Variants in MAF observed in about 807,000 individuals in gnomAD.
MAF encodes the protein transcription factor Maf.
In MAF, 10 loss-of-function variants were observed where a neutral mutation model predicts 22.0. That is an observed-to-expected ratio of 0.45 (90% CI 0.28 to 0.77). MAF has a LOEUF of 0.77. Ranked by LOEUF, MAF falls within the 30% of genes least tolerant of loss-of-function variation. The probability of loss-of-function intolerance (pLI) is 0.12; values close to 1 mark genes in which losing one functional copy is unlikely to be tolerated. For synonymous variants in MAF, 337 were observed against 255.8 expected (o/e 1.32, Z -3.03); for missense variants, 544 against 548.4 (o/e 0.99, Z 0.08).
At chr16:79,471,791 T>C in the MAF span, among the ~76,000 whole-genome samples, 2 of 152,374 alleles carry the variant, frequency 1.3e-5, no homozygotes, top group African/African-American at 2.4e-5. Flanking sequence ...TGTCACTATA[T>C]AGGTAATCCA....
At chr16:79,563,764 A>C in the MAF span, among the ~76,000 whole-genome samples, 37 of 123,668 alleles carry the variant, frequency 3.0e-4, no homozygotes, top group African/African-American at 7.0e-4. Flanking sequence ...CACACACACA[A>C]ACACACACAC....
the MAF span, among the ~76,000 whole-genome samples, chr16:79,393,286 G>C: frequency 6.6e-6 from 1 of 152,210 alleles, no homozygotes; most frequent in Admixed American, 6.5e-5. Context: ...ATTTCTTTGG[G>C]GGTTGGCTAT....
At chr16:79,392,193 G>A in the MAF span, among the ~76,000 whole-genome samples, 1 of 148,074 alleles carries the variant, frequency 6.8e-6, no homozygotes, top group South Asian at 2.2e-4. Flanking sequence ...AGAAGAAGGA[G>A]AGACAAGAAG....
At chr16:79,342,628 C>G in the MAF span, among the ~76,000 whole-genome samples, 1 of 151,934 alleles carries the variant, frequency 6.6e-6, no homozygotes, top group Non-Finnish European at 1.5e-5. Flanking sequence ...CCATCACCAC[C>G]ACTGTCACCA....
the MAF span, among the ~76,000 whole-genome samples, chr16:79,274,237 G>C: frequency 6.9e-6 from 1 of 145,010 alleles, no homozygotes; most frequent in Non-Finnish European, 1.5e-5. Context: ...TTATAGGCAT[G>C]AGCCACTTTG....
chr16:79,575,019 G>A, the MAF span, among the ~76,000 whole-genome samples: 1 of 131,154 alleles, frequency 7.6e-6, no homozygotes, highest in Non-Finnish European at 1.7e-5. Context: ...AGAATCACTG[G>A]GAATTTTTTT....
the MAF span, among the ~76,000 whole-genome samples, chr16:79,380,443 A>G: frequency 6.6e-6 from 1 of 152,228 alleles, no homozygotes; most frequent in Admixed American, 6.5e-5. Flanking sequence ...AATTTTTCCA[A>G]TACAGTGTGA....
the MAF span, among the ~76,000 whole-genome samples, chr16:79,447,575 G>C: frequency 6.6e-6 from 1 of 152,070 alleles, no homozygotes; most frequent in Admixed American, 6.5e-5. Context: ...GGTGGATCTG[G>C]GCAAAGTAAA....
chr16:79,599,594 G>T lies in MAF; in HGVS notation c.309C>A (p.Pro103=). The T allele has an allele frequency of 6.2e-7, 1 of 1,608,466 alleles. No individual in the cohort carries two copies. The highest frequency in any genetic ancestry group is 1.1e-5 in the South Asian group (1 of 90,222). Residue 103 remains proline, a synonymous_variant, in exon 1 of 2, where the codon CCC becomes CCA. Transcript: ENST00000326043. ...CCTCGGGGCTGAAGCCCAGCGCCTC[G>T]GGGTTCAGCTGCTGCGGGTAGCCGG... ...WMTGYPQQLN[P]EALGFSPEDA...
the MAF span, among the ~76,000 whole-genome samples, chr16:79,276,259 T>C: frequency 6.6e-6 from 1 of 152,264 alleles, no homozygotes; most frequent in African/African-American, 2.4e-5. Flanking sequence ...TTTGAGGCTT[T>C]TTATGTAGCA....
At chr16:79,420,541 C>T in the MAF span, among the ~76,000 whole-genome samples, 598 of 152,146 alleles carry the variant, frequency 3.9e-3, 6 homozygotes, top group African/African-American at 0.014. Flanking sequence ...ACTGCTGCCC[C>T]CCTCCCCCTA....
At chr16:79,557,514 A>G in the MAF span, among the ~76,000 whole-genome samples, 50 of 152,202 alleles carry the variant, frequency 3.3e-4, no homozygotes, top group African/African-American at 1.2e-3. Flanking sequence ...GTTCTAGTCT[A>G]CAATTTGTAC....
chr16:79,318,600 C>T, the MAF span, among the ~76,000 whole-genome samples: 23 of 152,176 alleles, frequency 1.5e-4, no homozygotes, highest in Non-Finnish European at 3.2e-4. Context: ...CAGCCCTTGG[C>T]GCAACATCAC....
the MAF span, among the ~76,000 whole-genome samples, chr16:79,466,090 T>C: frequency 2.0e-5 from 3 of 152,176 alleles, no homozygotes; most frequent in South Asian, 6.2e-4. Flanking sequence ...GGCTGGACAG[T>C]TTTTCTCGCT....
chr16:79,320,031 A>G, the MAF span, among the ~76,000 whole-genome samples: 3 of 152,182 alleles, frequency 2.0e-5, no homozygotes, highest in Non-Finnish European at 2.9e-5. Context: ...GCCCAGGAGT[A>G]TGAGTCCAAC....
At chr16:79,245,741 T>C in the MAF span, among the ~76,000 whole-genome samples, 1 of 152,004 alleles carries the variant, frequency 6.6e-6, no homozygotes, top group Non-Finnish European at 1.5e-5. Context: ...AATTCTACTA[T>C]AAAGACACAT....
At chr16:79,212,490 G>T in the MAF span, 1 of 218,882 alleles carries the variant, frequency 4.6e-6, no homozygotes, top group Admixed American at 5.1e-5. Context: ...TTGAAAGGCA[G>T]GAAGGGAAGC....
chr16:79,580,129 A>C, the MAF span, among the ~76,000 whole-genome samples: 1 of 152,132 alleles, frequency 6.6e-6, no homozygotes, highest in African/African-American at 2.4e-5. Context: ...GCAGAGACCA[A>C]GTTGCACCCT....
At chr16:79,270,716 A>G in the MAF span, among the ~76,000 whole-genome samples, 1 of 152,084 alleles carries the variant, frequency 6.6e-6, no homozygotes, top group Admixed American at 6.6e-5. Flanking sequence ...ACTGGCCCTG[A>G]TTTGTGTGGG....
Sources: allele counts gnomAD v4.1 joint callset (sites outside exome capture counted in the v4.1 genomes callset), GRCh38; gene constraint gnomAD v4.1.1; transcripts MANE v1.5; gene names NCBI Gene and HGNC (gene_info 2026-07-23, HGNC 2026-07-21).